The following B4GALNT2 variants were observed in gnomAD, a reference collection of about 807,000 sequenced individuals.
B4GALNT2 encodes beta-1,4-N-acetyl-galactosaminyltransferase 2 (SID blood group).
Under a neutral mutation model 51.1 loss-of-function variants are expected in B4GALNT2, and 42 were observed. The ratio of observed to expected loss-of-function variants is 0.82; its 90% confidence interval spans 0.64 to 1.06. The LOEUF (loss-of-function observed/expected upper bound fraction) is 1.06, where lower values mean the gene tolerates loss of function less well. Ranked by LOEUF, B4GALNT2 falls within the 50% of genes least tolerant of loss-of-function variation. The probability of loss-of-function intolerance (pLI) is 0.00; values close to 1 mark genes in which losing one functional copy is unlikely to be tolerated. For missense variants in B4GALNT2, 602 were observed against 633.6 expected, an observed-to-expected ratio of 0.95 and a Z score of 0.54; for synonymous variants, 253 against 251.7, an observed-to-expected ratio of 1.01 and a Z score of -0.05.
upstream of B4GALNT2, among the ~76,000 whole-genome samples, chr17:49,128,490 G>T (rs192886070): frequency 6.6e-6 from 1 of 152,262 alleles, no homozygotes; most frequent in East Asian, 1.9e-4. Flanking sequence ...AGTTTCAGGG[G>T]AAGGAGAGAC....
chr17:49,141,161 A>AT, intron 1 of B4GALNT2, 86 bp from the exon 2 acceptor site: 2 of 1,320,652 alleles, frequency 1.5e-6, no homozygotes, highest in Non-Finnish European at 2.2e-6. Context: ...CTTAGCTTAC[A>AT]TTTTTCCTGA....
chr17:49,163,061 G>T (rs550010428), intron 7 of B4GALNT2, among the ~76,000 whole-genome samples: 3 of 152,086 alleles, frequency 2.0e-5, no homozygotes, highest in African/African-American at 7.2e-5. Context: ...GTGGCTTCCA[G>T]CATGCATTAA....
chr17:49,135,029 T>C (rs767842919), intron 1 of B4GALNT2, among the ~76,000 whole-genome samples: 9 of 152,358 alleles, frequency 5.9e-5, no homozygotes, highest in Admixed American at 2.6e-4. Context: ...AATAAATTTT[T>C]CTGTATAAAT....
intron 9 of B4GALNT2, among the ~76,000 whole-genome samples, chr17:49,167,447 A>G (rs1308901331): frequency 3.9e-5 from 6 of 152,000 alleles, no homozygotes; most frequent in Non-Finnish European, 8.8e-5. Context: ...TCTTTAAATA[A>G]TAAATGGGCT....
chr17:49,163,941 T>C (rs962511531), intron 7 of B4GALNT2, 147 bp from the exon 8 acceptor site: 7 of 700,094 alleles, frequency 1.0e-5, no homozygotes, highest in Non-Finnish European at 1.7e-5. Flanking sequence ...ACTAACAAAC[T>C]CTTATTAAGC....
intron 9 of B4GALNT2, 92 bp from the exon 10 acceptor site, chr17:49,168,589 A>T: frequency 8.4e-7 from 1 of 1,190,292 alleles, no homozygotes; most frequent in Non-Finnish European, 1.2e-6. Context: ...AATTCTTGTT[A>T]TAACCGAGGT....
At chr17:49,142,552 C>T (rs1020226973) in intron 3 of B4GALNT2, among the ~76,000 whole-genome samples, 11 of 151,716 alleles carry the variant, frequency 7.3e-5, no homozygotes, top group Non-Finnish European at 1.3e-4. Flanking sequence ...ATTAGCCAGG[C>T]ATGATGGTAC....
At chr17:49,161,871 A>C (rs2042868219) in intron 7 of B4GALNT2, among the ~76,000 whole-genome samples, 1 of 151,876 alleles carries the variant, frequency 6.6e-6, no homozygotes, top group African/African-American at 2.4e-5. Flanking sequence ...ACAAAAAAAC[A>C]AAAAAACTTG....
At chr17:49,135,554 G>A (rs879453819) in intron 1 of B4GALNT2, among the ~76,000 whole-genome samples, 11 of 151,468 alleles carry the variant, frequency 7.3e-5, no homozygotes, top group Non-Finnish European at 1.3e-4. Flanking sequence ...CACCGCGCCC[G>A]GCCCATCCTT....
intron 3 of B4GALNT2, among the ~76,000 whole-genome samples, chr17:49,152,067 GT>G (rs886452496): frequency 2.6e-5 from 4 of 151,726 alleles, no homozygotes; most frequent in Non-Finnish European, 5.9e-5. Flanking sequence ...GCTGGTCATG[GT>G]TTTTTTTAAA....
At chr17:49,133,971 G>A (rs1255526121) in intron 1 of B4GALNT2, among the ~76,000 whole-genome samples, 1 of 152,168 alleles carries the variant, frequency 6.6e-6, no homozygotes, top group Non-Finnish European at 1.5e-5. Flanking sequence ...AACACACGTT[G>A]AATAGAGGAT....
chr17:49,140,462 T>C (rs2062228761), intron 1 of B4GALNT2, among the ~76,000 whole-genome samples: 1 of 152,242 alleles, frequency 6.6e-6, no homozygotes, highest in Admixed American at 6.5e-5. Context: ...TATATCATTT[T>C]GTTGTTCTGC....
intron 6 of B4GALNT2, among the ~76,000 whole-genome samples, chr17:49,159,754 A>G (rs1049220220): frequency 3.3e-5 from 5 of 152,120 alleles, no homozygotes; most frequent in African/African-American, 1.2e-4. Flanking sequence ...CCATAGAGCC[A>G]CTCGAGGAGA....
chr17:49,125,534 T>G, the B4GALNT2 span, among the ~76,000 whole-genome samples: 1 of 152,074 alleles, frequency 6.6e-6, no homozygotes, highest in Non-Finnish European at 1.5e-5. Context: ...GTCTGACTTA[T>G]CCCAGCATTT....
At chr17:49,140,246 G>A (rs919039056) in intron 1 of B4GALNT2, among the ~76,000 whole-genome samples, 7 of 151,366 alleles carry the variant, frequency 4.6e-5, no homozygotes, top group African/African-American at 7.3e-5. Context: ...GACTACAGGC[G>A]TCCGCCACAA....
chr17:49,166,636 C>T (rs553416769), intron 9 of B4GALNT2, among the ~76,000 whole-genome samples: 11 of 152,188 alleles, frequency 7.2e-5, no homozygotes, highest in South Asian at 6.2e-4. Flanking sequence ...AAAGCACACA[C>T]GGCACTAATG....
At chr17:49,137,465 G>A (rs2042601311) in intron 1 of B4GALNT2, among the ~76,000 whole-genome samples, 1 of 152,138 alleles carries the variant, frequency 6.6e-6, no homozygotes, top group South Asian at 2.1e-4. Context: ...ATGGGATGAT[G>A]CAGCAAGAAG....
At chr17:49,155,875 A>G (rs1215956372) in intron 4 of B4GALNT2, among the ~76,000 whole-genome samples, 1 of 151,414 alleles carries the variant, frequency 6.6e-6, no homozygotes, top group Non-Finnish European at 1.5e-5. Context: ...GGCACCCGCC[A>G]CCATGCCCGG....
At chr17:49,163,971 C>A in intron 7 of B4GALNT2, 117 bp from the exon 8 acceptor site, 1 of 958,438 alleles carries the variant, frequency 1.0e-6, no homozygotes, top group Non-Finnish European at 1.6e-6. Flanking sequence ...GTACAAGAGG[C>A]ATGAGACCCA....
Sources: gnomAD v4.1 joint callset for allele counts (sites outside exome capture counted in the v4.1 genomes callset) on GRCh38, gnomAD v4.1.1 for gene constraint, MANE v1.5 for transcripts, NCBI Gene and HGNC (gene_info 2026-07-23, HGNC 2026-07-21) for gene names.